HS6ST3: variants seen among roughly 807,000 people sequenced by gnomAD.
HS6ST3 encodes the protein heparan-sulfate 6-O-sulfotransferase 3.
HS6ST3 carries 12 observed loss-of-function variants against 36.7 expected under a neutral mutation model. The observed-to-expected ratio is 0.33, with a 90% CI of 0.21 to 0.53. The LOEUF (loss-of-function observed/expected upper bound fraction) is 0.53. Ranked by LOEUF, HS6ST3 falls within the 20% of genes least tolerant of loss-of-function variation. The pLI, the probability that HS6ST3 is intolerant of heterozygous loss-of-function variation, is 0.95. For synonymous variants in HS6ST3, 240 were observed against 257.5 expected (o/e 0.93, Z 0.65); for missense variants, 584 against 640.9 (o/e 0.91, Z 0.96).
intron 1 of HS6ST3, among the ~76,000 whole-genome samples, chr13:96,659,299 T>C (rs2056638164): frequency 1.3e-5 from 2 of 152,206 alleles, no homozygotes; most frequent in South Asian, 2.1e-4. Flanking sequence ...ATTTGTCCTT[T>C]GGATATTTTC....
At chr13:96,720,923 C>G (rs1211995214) in intron 1 of HS6ST3, among the ~76,000 whole-genome samples, 1 of 152,162 alleles carries the variant, frequency 6.6e-6, no homozygotes, top group African/African-American at 2.4e-5. Context: ...ATCCTGTTCT[C>G]TCTTCCTTGC....
chr13:96,214,625 G>A (rs1432202688), intron 1 of HS6ST3, among the ~76,000 whole-genome samples: 8 of 151,998 alleles, frequency 5.3e-5, no homozygotes, highest in Admixed American at 4.6e-4. Context: ...GTGTATATGG[G>A]ATGTGCCTTA....
At chr13:96,600,935 G>T (rs2056419321) in intron 1 of HS6ST3, among the ~76,000 whole-genome samples, 1 of 151,932 alleles carries the variant, frequency 6.6e-6, no homozygotes, top group Admixed American at 6.6e-5. Flanking sequence ...ATTTAGTTTT[G>T]CCAGATTCAA....
chr13:96,743,138 C>T (rs1876482678), intron 1 of HS6ST3, among the ~76,000 whole-genome samples: 1 of 152,160 alleles, frequency 6.6e-6, no homozygotes, highest in South Asian at 2.1e-4. Flanking sequence ...CCATCTCCAA[C>T]CTTGGATGAT....
chr13:96,787,380 T>C (rs917872027), intron 1 of HS6ST3, among the ~76,000 whole-genome samples: 3 of 152,154 alleles, frequency 2.0e-5, no homozygotes, highest in Non-Finnish European at 2.9e-5. Flanking sequence ...TACAGTTGTT[T>C]CCCATCCTTC....
chr13:96,721,994 C>T (rs1875861148), intron 1 of HS6ST3, among the ~76,000 whole-genome samples: 1 of 152,164 alleles, frequency 6.6e-6, no homozygotes, highest in Non-Finnish European at 1.5e-5. Context: ...TGGCCGGGTG[C>T]AGTGGCTCAT....
chr13:96,112,574 AATAAATATATATATATATATATATATAT>A (rs2053873602), intron 1 of HS6ST3, among the ~76,000 whole-genome samples: 1 of 43,540 alleles, frequency 2.3e-5, no homozygotes, highest in Admixed American at 2.8e-4. Context: ...CTCTAAAATA[AATAAATATATATATATATATATATATAT>A]ATATATATAT....
At chr13:96,809,237 T>A (rs1054584026) in intron 1 of HS6ST3, among the ~76,000 whole-genome samples, 2 of 152,192 alleles carry the variant, frequency 1.3e-5, no homozygotes, top group Non-Finnish European at 2.9e-5. Flanking sequence ...ATCTTTATTA[T>A]AATCCAATGC....
chr13:96,524,894 C>A (rs987956587), intron 1 of HS6ST3, among the ~76,000 whole-genome samples: 2 of 152,310 alleles, frequency 1.3e-5, no homozygotes, highest in Admixed American at 6.5e-5. Context: ...TGAGATGAAC[C>A]AGGTACCTTA....
At chr13:96,312,739 G>A (rs2054947758) in intron 1 of HS6ST3, among the ~76,000 whole-genome samples, 1 of 151,966 alleles carries the variant, frequency 6.6e-6, no homozygotes, top group Non-Finnish European at 1.5e-5. Context: ...ATTGCCTGAG[G>A]ACAGGAGTTG....
chr13:96,754,461 T>C (rs994159025), intron 1 of HS6ST3, among the ~76,000 whole-genome samples: 1 of 152,240 alleles, frequency 6.6e-6, no homozygotes, highest in Admixed American at 6.5e-5. Flanking sequence ...GCTCACACGC[T>C]AATTATCCTT....
Position 96,090,804 on chromosome 13 carries a change from C to T in HS6ST3, c.-59C>T, listed in dbSNP as rs1188382224. ...AGTCCGCGAAACTTCCGAGCGGGCGCCCGTCCGCCCTGCCGCCGCCGCCGC... is the reference window on the plus strand; with the variant it reads ...AGTCCGCGAAACTTCCGAGCGGGCGTCCGTCCGCCCTGCCGCCGCCGCCGC... On this transcript the variant is annotated 5_prime_UTR_variant, in exon 1 of 2. Coordinates refer to ENST00000376705, the MANE Select transcript of HS6ST3 (RefSeq NM_153456.4). 5.0e-6 allele frequency: 7 copies of T among 1,388,244 alleles called. No individual in the cohort carries two copies. Among genetic ancestry groups the T allele is most frequent in the Non-Finnish European group, 5.6e-6 (6 of 1,062,910 alleles). The allele number at this position is 1,388,244 out of a possible 1,614,324, so 86.0% of individuals were successfully genotyped here.
chr13:96,384,218 C>G (rs1241907317), intron 1 of HS6ST3, among the ~76,000 whole-genome samples: 1 of 152,178 alleles, frequency 6.6e-6, no homozygotes, highest in East Asian at 1.9e-4. Context: ...CTTTCAGACT[C>G]TGACCACATA....
chr13:96,581,218 T>G (rs555446234), intron 1 of HS6ST3, among the ~76,000 whole-genome samples: 1 of 139,126 alleles, frequency 7.2e-6, no homozygotes, highest in East Asian at 2.0e-4. Context: ...ATGCAACAAC[T>G]ACTATTTTTT....
At position 96,799,984 on chromosome 13, in the gene HS6ST3, ATATATATATATATG is replaced by A. The variant is rs1566456850; in HGVS notation, c.708-32492_708-32479del. On this transcript the variant is annotated intron_variant, in intron 1 of 1. Transcript: ENST00000376705. ...TATATGTGTATATATATATATATGTATATATATATATATGTATATATATATATATGTATATATAT... is the reference window on the plus strand; with the variant it reads ...TATATGTGTATATATATATATATGTATATATATATATATATGTATATATAT... 1.8e-4 allele frequency among the ~76,000 whole-genome samples: 17 copies of A among 92,430 alleles called. 1 individual carries two copies. In the East Asian group the frequency reaches 4.0e-3, roughly 22 times the overall value. 60.6% of individuals were successfully genotyped at this position (92,430 alleles called of 152,430 possible).
At chr13:96,126,949 A>G (rs2053955070) in intron 1 of HS6ST3, among the ~76,000 whole-genome samples, 2 of 152,092 alleles carry the variant, frequency 1.3e-5, no homozygotes, top group South Asian at 4.1e-4. Context: ...TGCTGCATCA[A>G]GAAAACTGGG....
intron 1 of HS6ST3, among the ~76,000 whole-genome samples, chr13:96,267,493 C>T (rs1338807939): frequency 6.6e-6 from 1 of 152,068 alleles, no homozygotes; most frequent in Non-Finnish European, 1.5e-5. Context: ...TACTTTTCCT[C>T]AGTGGGAAGG....
At chr13:96,731,303 T>C (rs929995800) in intron 1 of HS6ST3, among the ~76,000 whole-genome samples, 3 of 152,214 alleles carry the variant, frequency 2.0e-5, no homozygotes, top group African/African-American at 7.2e-5. Flanking sequence ...AGATCAACTT[T>C]TTCATATTCC....
intron 1 of HS6ST3, among the ~76,000 whole-genome samples, chr13:96,200,572 A>C (rs1185564664): frequency 1.3e-5 from 2 of 152,178 alleles, no homozygotes; most frequent in Admixed American, 6.5e-5. Context: ...TGGCATACCT[A>C]GTCCTCCTTA....
Sources: gnomAD v4.1 joint callset for allele counts (sites outside exome capture counted in the v4.1 genomes callset) on GRCh38, gnomAD v4.1.1 for gene constraint, MANE v1.5 for transcripts, NCBI Gene and HGNC (gene_info 2026-07-23, HGNC 2026-07-21) for gene names.